Variants in STK33 observed in about 807,000 individuals in gnomAD.
The protein encoded by STK33 is serine/threonine kinase 33.
Under a neutral mutation model 58.0 loss-of-function variants are expected in STK33, and 52 were observed. The observed-to-expected ratio is 0.90, with a 90% CI of 0.72 to 1.13. The LOEUF is 1.13. STK33 is among the 50% of genes most tolerant of loss of function. The pLI is 0.00. For synonymous variants in STK33, 215 were observed against 200.1 expected (o/e 1.07, Z -0.63); for missense variants, 630 against 604.2 (o/e 1.04, Z -0.45).
the STK33 span, among the ~76,000 whole-genome samples, chr11:8,342,393 A>T: frequency 1.3e-5 from 2 of 152,200 alleles, no homozygotes; most frequent in African/African-American, 4.8e-5. Flanking sequence ...CTGAAAAACA[A>T]CTCAGAGACA....
chr11:8,356,374 T>TG, the STK33 span, among the ~76,000 whole-genome samples: 10 of 151,090 alleles, frequency 6.6e-5, no homozygotes, highest in East Asian at 2.0e-3. Flanking sequence ...GAAGAAGGAG[T>TG]GGGGGCCTCA....
intron 11 of STK33, among the ~76,000 whole-genome samples, chr11:8,445,690 T>C (rs147476434): frequency 9.8e-4 from 150 of 152,342 alleles, no homozygotes; most frequent in African/African-American, 3.5e-3. Context: ...ATTTACTGAT[T>C]TGCATATGTT....
At chr11:8,549,872 T>C (rs1956188625) in intron 1 of STK33, among the ~76,000 whole-genome samples, 1 of 152,202 alleles carries the variant, frequency 6.6e-6, no homozygotes, top group Non-Finnish European at 1.5e-5. Flanking sequence ...TCTTTTTTCT[T>C]AGTCTAGCCA....
rs552069724 is a variant in STK33 at position 8,573,569 on chromosome 11, G to A, written c.-466+20514C>T. ...TGACTTATTACATGACCCAGTCGTT[G>A]TACTCTTGGGCATTTATCCCAAAGA... On this transcript the variant is annotated intron_variant, in intron 1 of 15. Transcript: ENST00000687296. 5.3e-5 allele frequency among the ~76,000 whole-genome samples: 8 copies of A among 152,294 alleles called. No individual in the cohort carries two copies. The East Asian group carries it at 1.5e-3, about 29-fold the overall frequency.
chr11:8,361,169 A>T, the STK33 span, among the ~76,000 whole-genome samples: 1 of 152,278 alleles, frequency 6.6e-6, no homozygotes, highest in East Asian at 1.9e-4. This position sits in a 1 kb window ranked among gnomAD's most constrained non-coding sequence, Gnocchi z 4.8. Flanking sequence ...AGGTTCATTC[A>T]TCTATCCACC....
intron 11 of STK33, among the ~76,000 whole-genome samples, chr11:8,443,493 C>T (rs1945022073): frequency 6.6e-6 from 1 of 151,916 alleles, no homozygotes. Context: ...ATCTCAACCA[C>T]CTGGAAAAAT....
At chr11:8,448,056 C>T (rs994952951) in intron 11 of STK33, among the ~76,000 whole-genome samples, 4 of 152,136 alleles carry the variant, frequency 2.6e-5, no homozygotes, top group African/African-American at 9.7e-5. Context: ...GAATAAAATA[C>T]CTAGGAATCC....
intron 11 of STK33, among the ~76,000 whole-genome samples, chr11:8,441,514 G>A (rs1399837659): frequency 2.0e-5 from 3 of 152,016 alleles, no homozygotes; most frequent in Non-Finnish European, 2.9e-5. Context: ...ATCATGCCTG[G>A]CTAATTGTTT....
intron 1 of STK33, among the ~76,000 whole-genome samples, chr11:8,541,938 T>C (rs572225408): frequency 1.2e-4 from 19 of 152,184 alleles, no homozygotes; most frequent in Non-Finnish European, 2.2e-4. Context: ...ACATCTCTCA[T>C]AACTTCAGAA....
At chr11:8,382,403 CAA>C in the STK33 span, among the ~76,000 whole-genome samples, 1 of 152,358 alleles carries the variant, frequency 6.6e-6, no homozygotes, top group African/African-American at 2.4e-5. Context: ...CTGCCTCAGG[CAA>C]AGAGCCACAA....
At chr11:8,387,423 T>C (rs149547422), downstream of STK33, among the ~76,000 whole-genome samples, 1 of 152,358 alleles carries the variant, frequency 6.6e-6, no homozygotes, top group Admixed American at 6.5e-5. Context: ...CACAAGACCT[T>C]GGACATTAAG....
intron 1 of STK33, among the ~76,000 whole-genome samples, chr11:8,527,227 T>C (rs960669871): frequency 1.3e-5 from 2 of 152,060 alleles, no homozygotes; most frequent in Admixed American, 6.5e-5. Flanking sequence ...CCGCCCACCT[T>C]GACCTCCCAA....
chr11:8,536,955 A>T (rs1265116569), intron 1 of STK33, among the ~76,000 whole-genome samples: 9 of 133,322 alleles, frequency 6.8e-5, no homozygotes, highest in Non-Finnish European at 6.3e-5. Flanking sequence ...CTAATTAAAA[A>T]AAAAAAAAAA....
chr11:8,439,306 C>A (rs1944427404), intron 12 of STK33, among the ~76,000 whole-genome samples: 1 of 151,928 alleles, frequency 6.6e-6, no homozygotes, highest in African/African-American at 2.4e-5. Flanking sequence ...AAAACAGATA[C>A]AATATATATA....
At chr11:8,527,040 C>T (rs78584818) in intron 1 of STK33, among the ~76,000 whole-genome samples, 8 of 149,168 alleles carry the variant, frequency 5.4e-5, no homozygotes, top group Admixed American at 1.3e-4. Flanking sequence ...GACATAATCT[C>T]GGCTCACTGC....
At chr11:8,470,624 T>G (rs188967702) in intron 6 of STK33, among the ~76,000 whole-genome samples, 5 of 152,228 alleles carry the variant, frequency 3.3e-5, no homozygotes, top group Non-Finnish European at 7.3e-5. Flanking sequence ...CTTAATCATT[T>G]CTGGCTTTCG....
the STK33 span, among the ~76,000 whole-genome samples, chr11:8,359,128 C>G: frequency 6.6e-6 from 1 of 152,308 alleles, no homozygotes; most frequent in Admixed American, 6.5e-5. Flanking sequence ...CAGGCACTAT[C>G]CCAGATTGAG....
intron 1 of STK33, among the ~76,000 whole-genome samples, chr11:8,544,471 T>C (rs1955763717): frequency 6.6e-6 from 1 of 151,222 alleles, no homozygotes; most frequent in African/African-American, 2.4e-5. Flanking sequence ...AAGAAAATTA[T>C]GAGTAAATTT....
chr11:8,572,154 G>A (rs941458670), intron 1 of STK33, among the ~76,000 whole-genome samples: 1 of 151,892 alleles, frequency 6.6e-6, no homozygotes, highest in Non-Finnish European at 1.5e-5. Context: ...ACAGAACAAC[G>A]CCCAGATCTC....
Sources: gnomAD v4.1 joint callset for allele counts (sites outside exome capture counted in the v4.1 genomes callset) on GRCh38, gnomAD v4.1.1 for gene constraint, Gnocchi (gnomAD v3.1) non-coding constraint, MANE v1.5 for transcripts, NCBI Gene and HGNC (gene_info 2026-07-23, HGNC 2026-07-21) for gene names.